Variants in LRP2 observed in about 807,000 individuals in gnomAD.
LRP2 encodes the protein low-density lipoprotein receptor-related protein 2.
LRP2 carries 172 observed loss-of-function variants against 531.0 expected under a neutral mutation model. The ratio of observed to expected loss-of-function variants is 0.32; its 90% CI spans 0.29 to 0.37. The LOEUF (loss-of-function observed/expected upper bound fraction) is 0.37, where lower values mean the gene tolerates loss of function less well. Ranked by LOEUF, LRP2 falls within the 10% of genes least tolerant of loss-of-function variation. The probability of loss-of-function intolerance (pLI) is 1.00; values close to 1 mark genes in which losing one functional copy is unlikely to be tolerated. For synonymous variants in LRP2, 1,992 were observed against 2,027.6 expected, an observed-to-expected ratio of 0.98 and a Z score of 0.47; for missense variants, 5,167 against 5,868.3, an observed-to-expected ratio of 0.88 and a Z score of 3.90.
Position 169,176,519 on chromosome 2 carries a change from C to T in LRP2, c.10463G>A (p.Gly3488Glu), listed in dbSNP as rs1290148381. The change falls in exon 54 of 79, where the codon GGG (glycine) becomes GAG (glutamate). Residue 3488 changes from glycine to glutamate, a missense_variant. Coordinates refer to ENST00000649046, the MANE Select transcript of LRP2 (RefSeq NM_004525.3). ...GTCATCTGGACACTCGCAAGTGAAC[C>T]CTTTTCCTCCTGGCTTGATGAGGCA... is the stretch of plus-strand genomic sequence containing the variant. Reference protein sequence around the residue: ...HLCLIKPGGKGFTCECPDDFR... With the variant: ...HLCLIKPGGKEFTCECPDDFR... The T allele has an allele frequency of 1.2e-6, 2 of 1,614,180 alleles. No individual in the cohort carries two copies. The highest frequency in any genetic ancestry group is 2.2e-5 in the South Asian group (2 of 91,086).
chr2:169,204,352 T>A, intron 41 of LRP2, 81 bp from the exon 42 acceptor site: 1 of 1,288,936 alleles, frequency 7.8e-7, no homozygotes, highest in Non-Finnish European at 1.1e-6. Context: ...TGCATGCGCC[T>A]CATCATTGTT....
At chr2:169,271,309 G>T (rs1683407236) in intron 15 of LRP2, among the ~76,000 whole-genome samples, 1 of 151,992 alleles carries the variant, frequency 6.6e-6, no homozygotes, top group African/African-American at 2.4e-5. Context: ...GGAGATACAA[G>T]TATTAGAATC....
At chr2:169,256,408 C>A (rs62172656) in intron 18 of LRP2, among the ~76,000 whole-genome samples, 172 bp from the exon 19 acceptor site, 1 of 151,846 alleles carries the variant, frequency 6.6e-6, no homozygotes, top group African/African-American at 2.4e-5. Context: ...CAGAAAGAGA[C>A]GGCTACTTTT....
In LRP2 at chr2:169,277,767, C is replaced by T; in HGVS notation, c.1750G>A (p.Val584Ile). 6.2e-7 allele frequency: 1 copy of T among 1,614,076 alleles called. No individual in the cohort carries two copies. Among genetic ancestry groups the T allele is most frequent in the Middle Eastern group, 1.7e-4 (1 of 6,060 alleles). Residue 584 changes from valine (V) to isoleucine (I), a missense_variant, in exon 13 of 79, where the codon GTA becomes ATA. Physicochemically the swap from Val to Ile is conservative, Grantham distance 29. This residue lies in a region of LRP2 where 2,811 missense variants were observed against 3,058.0 expected (regional missense o/e 0.92). Coordinates refer to ENST00000649046, the MANE Select transcript of LRP2 (RefSeq NM_004525.3). ...VDSRFDYIET[V>I]TYDGIQRKTV... is the part of the protein sequence containing the mutation. ...TACCTTTGAATTCCATCATAAGTTA[C>T]AGTTTCAATGTAATCAAACCGAGAG...
chr2:169,218,115 T>C (rs1688861136), intron 34 of LRP2, among the ~76,000 whole-genome samples: 1 of 152,170 alleles, frequency 6.6e-6, no homozygotes, highest in South Asian at 2.1e-4. Context: ...ATCACAACTT[T>C]ATCAAGACTT....
intron 76 of LRP2, among the ~76,000 whole-genome samples, chr2:169,133,274 C>T (rs1179131148): frequency 6.6e-6 from 1 of 152,174 alleles, no homozygotes; most frequent in Non-Finnish European, 1.5e-5. Flanking sequence ...CCTTTTAAGA[C>T]CAAATTACCA....
Position 169,170,558 on chromosome 2 carries a change from C to G in LRP2, c.11373G>C (p.Arg3791=). The G allele has an allele frequency of 6.2e-7, 1 of 1,612,540 alleles. No homozygotes were observed. The highest frequency in any genetic ancestry group is 8.5e-7 in the Non-Finnish European group (1 of 1,178,564). Reference sequence around the variant, plus strand: ...TTCTCAAATGACAGTTACCACAGTCCCGTTCATCTGAGTTGTCCCCACAGT... The same window carrying G: ...TTCTCAAATGACAGTTACCACAGTCGCGTTCATCTGAGTTGTCCCCACAGT... ...YNDCGDNSDE[R]DCEMRTCHPE... is the part of the protein sequence containing the mutation. The change falls in exon 59 of 79, where the codon CGG becomes CGC. Residue 3791 remains arginine (R), a synonymous_variant. Transcript: ENST00000649046.
At chr2:169,348,608 TAACACGAAGTCTA>T (rs2105571396) in intron 1 of LRP2, among the ~76,000 whole-genome samples, 1 of 152,316 alleles carries the variant, frequency 6.6e-6, no homozygotes, top group South Asian at 2.1e-4. Flanking sequence ...GACAGTCCAC[TAACACGAAGTCTA>T]AAAACTTTGG....
At chr2:169,139,906 G>C (rs200321374) in intron 72 of LRP2, among the ~76,000 whole-genome samples, 1 of 152,180 alleles carries the variant, frequency 6.6e-6, no homozygotes, top group Non-Finnish European at 1.5e-5. Flanking sequence ...AGTACAAATG[G>C]AAACCATGGT....
chr2:169,146,972 A>G lies in LRP2; in HGVS notation c.12591-13T>C, dbSNP rs372453078. 1 of 1,586,020 alleles carries G rather than the reference A, an allele frequency of 6.3e-7. No individual in the cohort carries two copies. Among genetic ancestry groups the G allele is most frequent in the African/African-American group, 1.3e-5 (1 of 74,400 alleles). ...CCAGAACATAAGCCTATAACAGAAG[A>G]TTTCTTCACTGTAGCATCTCACCTG... is the stretch of plus-strand genomic sequence containing the variant. On this transcript the variant is annotated splice_polypyrimidine_tract_variant and intron_variant, in intron 68 of 78. Coordinates refer to ENST00000649046, the MANE Select transcript of LRP2 (RefSeq NM_004525.3).
In LRP2 at chr2:169,246,718, T is replaced by C. The variant is rs775458323; in HGVS notation, c.3177A>G (p.Leu1059=). 2.4e-5 allele frequency: 39 copies of C among 1,614,100 alleles called. No homozygotes were observed. Among genetic ancestry groups the C allele is most frequent in the Non-Finnish European group, 3.0e-5 (35 of 1,180,048 alleles). Residue 1059 remains leucine, a synonymous_variant, in exon 21 of 79, where the codon CTA becomes CTG. Transcript: ENST00000649046. The part of the protein sequence containing the change: ...DDCHDNSDEQ[L]CGTLNNTCSS... ...ATAGCTACTTACTAAGTGTGCCACATAGTTGCTCATCACTGTTATCATGAC... is the reference window on the plus strand; with the variant it reads ...ATAGCTACTTACTAAGTGTGCCACACAGTTGCTCATCACTGTTATCATGAC...
intron 4 of LRP2, among the ~76,000 whole-genome samples, chr2:169,300,028 A>G (rs1684246935): frequency 6.6e-6 from 1 of 152,158 alleles, no homozygotes; most frequent in South Asian, 2.1e-4. Flanking sequence ...ATTTATTGAA[A>G]TCTGACTTCA....
At chr2:169,282,288 C>A (rs115284390) in intron 10 of LRP2, among the ~76,000 whole-genome samples, 1 of 152,154 alleles carries the variant, frequency 6.6e-6, no homozygotes, top group Non-Finnish European at 1.5e-5. Flanking sequence ...AAATCAACAG[C>A]GACAAAATGC....
chr2:169,349,552 T>A (rs4668134), intron 1 of LRP2, among the ~76,000 whole-genome samples: 145,699 of 152,218 alleles, frequency 0.96, 69,838 homozygotes, highest in Non-Finnish European at 0.98. Flanking sequence ...ACACCCAGAG[T>A]TGTGCCATGC....
Position 169,271,125 on chromosome 2 carries a change from C to G in LRP2, c.2117-18G>C, listed in dbSNP as rs1683403583. 1 of 1,573,146 alleles carries G rather than the reference C, an allele frequency of 6.4e-7. No homozygotes were observed. Among genetic ancestry groups the G allele is most frequent in the East Asian group, 2.2e-5 (1 of 44,484 alleles). ...CTGAACAGCTGTAGGAAGAATAACA[C>G]AGCACAGTCAGTCACAGCATGGTTC... On this transcript the variant is annotated intron_variant, in intron 15 of 78. Transcript: ENST00000649046.
chr2:169,202,509 G>A (rs887003184), intron 43 of LRP2, among the ~76,000 whole-genome samples: 1 of 152,182 alleles, frequency 6.6e-6, no homozygotes, highest in African/African-American at 2.4e-5. Flanking sequence ...GAGATATTAA[G>A]TAACTTTCCC....
chr2:169,233,096 G>A (rs1689469786), intron 30 of LRP2, among the ~76,000 whole-genome samples: 1 of 152,156 alleles, frequency 6.6e-6, no homozygotes, highest in Non-Finnish European at 1.5e-5. Context: ...GAGGATCGAA[G>A]GCACTATCTG....
At chr2:169,299,147 GAAAGAAAGAAAAAA>G (rs2105479641) in intron 4 of LRP2, among the ~76,000 whole-genome samples, 1 of 43,992 alleles carries the variant, frequency 2.3e-5, no homozygotes, top group Non-Finnish European at 5.7e-5. Flanking sequence ...AAGAAAGAAA[GAAAGAAAGAAAAAA>G]AGAAAGAAAG....
At chr2:169,318,950 T>C (rs1055905806) in intron 2 of LRP2, 66 bp from the exon 3 acceptor site, 1 of 1,597,518 alleles carries the variant, frequency 6.3e-7, no homozygotes, top group African/African-American at 1.3e-5. Flanking sequence ...CAAGCAATGC[T>C]TGTTCCAGAA....
Sources: allele counts gnomAD v4.1 joint callset (sites outside exome capture counted in the v4.1 genomes callset), GRCh38; gene constraint gnomAD v4.1.1; regional missense constraint gnomAD v4.1.1; transcripts MANE v1.5; gene names NCBI Gene and HGNC (gene_info 2026-07-23, HGNC 2026-07-21).